Variants in DYM observed in about 807,000 individuals in gnomAD.
DYM encodes dymeclin.
Under a neutral mutation model 93.1 loss-of-function variants are expected in DYM, and 78 were observed. The observed-to-expected ratio is 0.84, with a 90% CI of 0.70 to 1.01. The LOEUF is 1.01. Among genes scored for constraint, DYM ranks in the 50% least tolerant of loss-of-function variants. The pLI is 0.00. For missense variants in DYM, 789 were observed against 845.0 expected, an observed-to-expected ratio of 0.93 and a Z score of 0.82; for synonymous variants, 321 against 319.7, an observed-to-expected ratio of 1.00 and a Z score of -0.04.
chr18:49,432,617 TTTTTAAG>T (rs942408329), intron 1 of DYM, among the ~76,000 whole-genome samples: 1 of 150,712 alleles, frequency 6.6e-6, no homozygotes, highest in Non-Finnish European at 1.5e-5. Flanking sequence ...TTTTTTTTTT[TTTTTAAG>T]AAACAGGGCC....
chr18:49,248,708 A>T (rs764291469), intron 13 of DYM, among the ~76,000 whole-genome samples: 1 of 152,210 alleles, frequency 6.6e-6, no homozygotes, highest in Non-Finnish European at 1.5e-5. Flanking sequence ...ACATATCTTA[A>T]AGAGGACTTC....
chr18:49,213,141 G>A (rs1430779276), intron 13 of DYM, among the ~76,000 whole-genome samples: 1 of 152,094 alleles, frequency 6.6e-6, no homozygotes, highest in African/African-American at 2.4e-5. Context: ...ACAATATTCT[G>A]TCCTAGAACA....
intron 8 of DYM, among the ~76,000 whole-genome samples, chr18:49,297,374 CT>C (rs1244346986): frequency 6.6e-6 from 1 of 152,086 alleles, no homozygotes; most frequent in Non-Finnish European, 1.5e-5. Flanking sequence ...CAAGACTAAC[CT>C]AGCGTATTAG....
chr18:49,413,335 T>TA (rs1264032067), intron 2 of DYM, among the ~76,000 whole-genome samples: 2 of 151,996 alleles, frequency 1.3e-5, no homozygotes, highest in African/African-American at 2.4e-5. Context: ...ATAACAGAAC[T>TA]AAAAAAATGG....
intron 16 of DYM, among the ~76,000 whole-genome samples, chr18:49,118,219 C>T (rs939597170): frequency 6.6e-6 from 1 of 151,752 alleles, no homozygotes; most frequent in Non-Finnish European, 1.5e-5. Context: ...AATTTGGCAA[C>T]CTGTGTTGAA....
rs1383781397 is a variant in DYM, at chr18:49,257,019, C to T, written c.1451G>A (p.Arg484Lys). The change falls in exon 13 of 18, where the codon AGG (arginine) becomes AAG (lysine). Residue 484 changes from arginine (R) to lysine (K), a missense_variant. Arg to Lys is a conservative substitution (Grantham distance 26). This residue lies in a region of DYM where 225 missense variants were observed against 303.0 expected (regional missense o/e 0.74). Coordinates refer to ENST00000675505, the MANE Select transcript of DYM (RefSeq NM_001353214.3). Reference sequence around the variant, plus strand: ...TAAAGTTCATATTTACCTGATGATCCTCTGGGCAGCATACTGATGGAGAGA... The same window carrying T: ...TAAAGTTCATATTTACCTGATGATCTTCTGGGCAGCATACTGATGGAGAGA... ...FRSLHQYAAQ[R>K]IISYTCRHLR... is the part of the protein sequence containing the mutation. The T allele has an allele frequency of 6.2e-7, 1 of 1,613,122 alleles. No individual in the cohort carries two copies. Among genetic ancestry groups the T allele is most frequent in the African/African-American group, 1.3e-5 (1 of 74,988 alleles).
At chr18:49,171,418 A>G (rs2088706772) in intron 14 of DYM, among the ~76,000 whole-genome samples, 1 of 152,144 alleles carries the variant, frequency 6.6e-6, no homozygotes, top group Admixed American at 6.5e-5. Flanking sequence ...AAGAGAAGTA[A>G]CTGAACTCCA....
At chr18:49,393,108 GGAAGGAA>G (rs2069579018) in intron 2 of DYM, among the ~76,000 whole-genome samples, 2 of 12,804 alleles carry the variant, frequency 1.6e-4, no homozygotes, top group Non-Finnish European at 3.6e-4. Flanking sequence ...AAGGAAGGAA[GGAAGGAA>G]GGAAGGAAGG....
chr18:49,123,115 T>C (rs1266695192), intron 15 of DYM, among the ~76,000 whole-genome samples: 1 of 152,246 alleles, frequency 6.6e-6, no homozygotes, highest in African/African-American at 2.4e-5. Flanking sequence ...CTACTCAAAG[T>C]ATTTTCAAAA....
intron 8 of DYM, among the ~76,000 whole-genome samples, chr18:49,311,700 G>T (rs1599331688): frequency 7.0e-6 from 1 of 142,016 alleles, no homozygotes; most frequent in South Asian, 2.4e-4. Flanking sequence ...ACACAGGGTG[G>T]GGAACATCAC....
intron 14 of DYM, among the ~76,000 whole-genome samples, chr18:49,166,279 T>C (rs1223510620): frequency 2.0e-5 from 3 of 152,206 alleles, no homozygotes; most frequent in East Asian, 3.8e-4. Context: ...GCTGTACCTT[T>C]CACTTTGTCT....
At chr18:49,404,200 G>T (rs1034330714) in intron 2 of DYM, among the ~76,000 whole-genome samples, 8 of 151,980 alleles carry the variant, frequency 5.3e-5, no homozygotes, top group African/African-American at 1.9e-4. Context: ...TAGAAATGGG[G>T]TTTCACCATG....
At chr18:49,368,121 T>C (rs998250011) in intron 5 of DYM, among the ~76,000 whole-genome samples, 11 of 152,238 alleles carry the variant, frequency 7.2e-5, no homozygotes, top group African/African-American at 2.7e-4. Context: ...TATAAGCTTG[T>C]GTCCTGTACC....
rs368874579 is a variant in DYM, at chr18:49,419,751, C to T, written c.140+10504G>A. Among the ~76,000 whole-genome samples, 36 of 152,270 alleles carry T rather than the reference C, an allele frequency of 2.4e-4. 1 individual carries two copies. The East Asian group carries it at 4.4e-3, about 19-fold the overall frequency. On this transcript the variant is annotated intron_variant, in intron 2 of 17. Coordinates refer to ENST00000675505, the MANE Select transcript of DYM (RefSeq NM_001353214.3). ...AGAAGTGACATTTTTACAATAGTCT[C>T]CTTATTCCTTAAACATGGTACATAT... is the stretch of plus-strand genomic sequence containing the variant.
intron 8 of DYM, among the ~76,000 whole-genome samples, chr18:49,306,862 C>G (rs1350778048): frequency 3.3e-5 from 5 of 152,114 alleles, no homozygotes; most frequent in Non-Finnish European, 7.4e-5. Flanking sequence ...TTTGTTTCTT[C>G]TACTCTGGAT....
At chr18:49,155,005 A>T (rs1032298227) in intron 15 of DYM, among the ~76,000 whole-genome samples, 9 of 152,176 alleles carry the variant, frequency 5.9e-5, no homozygotes, top group African/African-American at 2.2e-4. Flanking sequence ...TTTCATATAA[A>T]CCCATGTAGA....
At chr18:49,216,389 G>C (rs1314975825) in intron 13 of DYM, among the ~76,000 whole-genome samples, 9 of 152,202 alleles carry the variant, frequency 5.9e-5, no homozygotes, top group Non-Finnish European at 1.2e-4. Flanking sequence ...TGACAGCTTT[G>C]AAGAGAGTAG....
chr18:49,126,876 C>T (rs541070215), intron 15 of DYM, among the ~76,000 whole-genome samples: 24 of 152,142 alleles, frequency 1.6e-4, no homozygotes, highest in Non-Finnish European at 3.1e-4. Context: ...GAACTCAGAA[C>T]TCATGTTTCT....
chr18:49,122,743 A>T (rs950270528), intron 15 of DYM, among the ~76,000 whole-genome samples: 2 of 152,150 alleles, frequency 1.3e-5, no homozygotes, highest in Non-Finnish European at 2.9e-5. Context: ...TGGTGCCAAA[A>T]AGGCTGGGGA....
Sources: allele counts gnomAD v4.1 joint callset (sites outside exome capture counted in the v4.1 genomes callset), GRCh38; gene constraint gnomAD v4.1.1; regional missense constraint gnomAD v4.1.1; transcripts MANE v1.5; gene names NCBI Gene and HGNC (gene_info 2026-07-23, HGNC 2026-07-21).